Variants in SBF2 observed in about 807,000 individuals in gnomAD.
SBF2 encodes the protein SET binding factor 2, also known as myotubularin-related protein 13.
SBF2 carries 112 observed loss-of-function variants against 225.2 expected under a neutral mutation model. The ratio of observed to expected loss-of-function variants is 0.50; its 90% CI spans 0.43 to 0.58. The LOEUF (loss-of-function observed/expected upper bound fraction) is 0.58. Among genes scored for constraint, SBF2 ranks in the 20% least tolerant of loss-of-function variants. The probability of loss-of-function intolerance (pLI) is 0.00; values close to 1 mark genes in which losing one functional copy is unlikely to be tolerated. For synonymous variants in SBF2, 763 were observed against 773.3 expected, an observed-to-expected ratio of 0.99 and a Z score of 0.22; for missense variants, 1,996 against 2,206.2, an observed-to-expected ratio of 0.90 and a Z score of 1.91.
At chr11:10,221,025 T>C (rs1958321113) in intron 1 of SBF2, among the ~76,000 whole-genome samples, 1 of 152,182 alleles carries the variant, frequency 6.6e-6, no homozygotes. Flanking sequence ...TCTGTGTTCT[T>C]CATAGTATCC....
intron 21 of SBF2, 41 bp downstream of exon 21, chr11:9,852,632 TAAG>T: frequency 1.4e-6 from 2 of 1,431,990 alleles, no homozygotes; most frequent in Non-Finnish European, 2.0e-6. Flanking sequence ...TGTTTGTTTT[TAAG>T]AAGAGAGGCT....
At chr11:9,874,611 G>A (rs1201215924) in intron 17 of SBF2, among the ~76,000 whole-genome samples, 2 of 152,168 alleles carry the variant, frequency 1.3e-5, no homozygotes, top group African/African-American at 2.4e-5. Context: ...TGTTACTTCA[G>A]TGCCTACACT....
intron 17 of SBF2, among the ~76,000 whole-genome samples, chr11:9,881,913 A>G (rs1424347144): frequency 6.6e-6 from 1 of 152,140 alleles, no homozygotes; most frequent in Non-Finnish European, 1.5e-5. Flanking sequence ...CCTTGAGACC[A>G]GGAGTTTGAG....
intron 13 of SBF2, among the ~76,000 whole-genome samples, chr11:9,980,049 C>T (rs1368594162): frequency 6.7e-6 from 1 of 149,614 alleles, no homozygotes; most frequent in Non-Finnish European, 1.5e-5. Flanking sequence ...GGTGTGATCT[C>T]GGCTCACTGC....
chr11:10,126,286 T>C (rs1953751396), intron 2 of SBF2, among the ~76,000 whole-genome samples: 1 of 152,182 alleles, frequency 6.6e-6, no homozygotes, highest in Non-Finnish European at 1.5e-5. Flanking sequence ...TTCTCTTTTT[T>C]CTTAGGCTTC....
intron 17 of SBF2, among the ~76,000 whole-genome samples, chr11:9,893,762 A>T (rs774526458): frequency 6.6e-6 from 1 of 152,142 alleles, no homozygotes; most frequent in African/African-American, 2.4e-5. Context: ...AGTGGCCACA[A>T]CACCTCTCCA....
chr11:10,196,029 G>A (rs749748454), intron 1 of SBF2, among the ~76,000 whole-genome samples: 11 of 152,012 alleles, frequency 7.2e-5, no homozygotes, highest in Non-Finnish European at 1.2e-4. Context: ...TAATCAATTC[G>A]GGGAAACAAA....
intron 3 of SBF2, among the ~76,000 whole-genome samples, chr11:10,039,965 TCAAA>T (rs1477574116): frequency 1.3e-5 from 2 of 151,814 alleles, no homozygotes; most frequent in Non-Finnish European, 2.9e-5. Flanking sequence ...TATCTGTAGC[TCAAA>T]CAGACAGGAA....
chr11:9,905,670 C>T (rs2134167452), intron 16 of SBF2, among the ~76,000 whole-genome samples: 1 of 151,952 alleles, frequency 6.6e-6, no homozygotes, highest in African/African-American at 2.4e-5. Flanking sequence ...TTTGTTGGAG[C>T]CCAGTTACTG....
chr11:9,980,787 C>T (rs555509660), intron 13 of SBF2, among the ~76,000 whole-genome samples: 3 of 150,146 alleles, frequency 2.0e-5, no homozygotes, highest in East Asian at 2.0e-4. Context: ...ACTGTGGTCT[C>T]GATCTCCTGA....
intron 2 of SBF2, among the ~76,000 whole-genome samples, chr11:10,075,623 C>T (rs1951067699): frequency 6.6e-6 from 1 of 152,206 alleles, no homozygotes; most frequent in Non-Finnish European, 1.5e-5. Context: ...TTTGCTGTCT[C>T]TCCTGCCACC....
At chr11:10,098,239 C>G (rs1160835306) in intron 2 of SBF2, among the ~76,000 whole-genome samples, 1 of 152,160 alleles carries the variant, frequency 6.6e-6, no homozygotes, top group South Asian at 2.1e-4. Context: ...AAAGGAGGCT[C>G]TCAACAATGG....
intron 6 of SBF2, among the ~76,000 whole-genome samples, chr11:10,017,164 G>A (rs1239092967): frequency 2.0e-5 from 3 of 152,202 alleles, no homozygotes; most frequent in South Asian, 4.1e-4. Context: ...TGCACCACAT[G>A]TTAACAAATG....
At chr11:9,965,197 C>T (rs1428761436) in intron 14 of SBF2, among the ~76,000 whole-genome samples, 2 of 152,170 alleles carry the variant, frequency 1.3e-5, no homozygotes, top group African/African-American at 4.8e-5. Flanking sequence ...ATCCCTTCAC[C>T]TTCTCCCATA....
Position 9,817,020 on chromosome 11 carries a change from C to T in SBF2, c.3798G>A (p.Val1266=). The T allele has an allele frequency of 5.6e-6, 9 of 1,614,036 alleles. No individual in the cohort carries two copies. The highest frequency in any genetic ancestry group is 7.6e-6 in the Non-Finnish European group (9 of 1,180,016). ...VRPAFALSPG[V]WASLRSSTRL... is the part of the protein sequence containing the mutation. ...GAGTGCTAGAGCGAAGACTTGCCCACACACCTTCACAAAAGCCAAAGTCGT... is the reference window on the plus strand; with the variant it reads ...GAGTGCTAGAGCGAAGACTTGCCCATACACCTTCACAAAAGCCAAAGTCGT... Residue 1266 remains valine (V), a synonymous_variant, in exon 29 of 40, where the codon GTG becomes GTA. Transcript: ENST00000256190.
chr11:10,210,944 C>G (rs937501382), intron 1 of SBF2, among the ~76,000 whole-genome samples: 1 of 135,222 alleles, frequency 7.4e-6, no homozygotes, highest in Non-Finnish European at 1.5e-5. Context: ...ACCCAGGAGG[C>G]GGAGGTTTCA....
At chr11:9,960,866 T>C (rs1026914327) in intron 16 of SBF2, 1 of 152,168 alleles carries the variant, frequency 6.6e-6, no homozygotes, top group South Asian at 2.1e-4. Context: ...GGTTTCACCA[T>C]GCTGGCCAGG....
chr11:10,226,320 AT>A (rs1310984104), intron 1 of SBF2, among the ~76,000 whole-genome samples: 4 of 151,934 alleles, frequency 2.6e-5, no homozygotes, highest in Non-Finnish European at 5.9e-5. Context: ...GTACACATGT[AT>A]TTTTTTCTTA....
At chr11:9,880,638 C>G (rs1368778084) in intron 17 of SBF2, among the ~76,000 whole-genome samples, 4 of 152,170 alleles carry the variant, frequency 2.6e-5, no homozygotes, top group African/African-American at 9.7e-5. Flanking sequence ...CTACACTGCT[C>G]TAGTTTGTTT....
Sources: gnomAD v4.1 joint callset for allele counts (sites outside exome capture counted in the v4.1 genomes callset) on GRCh38, gnomAD v4.1.1 for gene constraint, MANE v1.5 for transcripts, NCBI Gene and HGNC (gene_info 2026-07-23, HGNC 2026-07-21) for gene names.